The following CLCA1 variants were observed in gnomAD, a reference collection of about 807,000 sequenced individuals.
CLCA1 encodes the protein chloride channel accessory 1.
In CLCA1, 59 loss-of-function variants were observed where a neutral mutation model predicts 85.6. The observed-to-expected ratio is 0.69, with a 90% CI of 0.56 to 0.86. CLCA1 has a LOEUF of 0.86. CLCA1 is among the 40% of genes least tolerant of loss of function. CLCA1 has a pLI of 0.00. For missense variants in CLCA1, 1,022 were observed against 1,101.4 expected (o/e 0.93, Z 1.02); for synonymous variants, 396 against 398.3 (o/e 0.99, Z 0.07).
intron 3 of CLCA1, among the ~76,000 whole-genome samples, chr1:86,476,044 G>A (rs1441891292): frequency 1.3e-5 from 2 of 152,162 alleles, no homozygotes; most frequent in Non-Finnish European, 2.9e-5. Context: ...GAGCCATGAG[G>A]GAGGAGAATT....
chr1:86,499,913 G>T lies in CLCA1; in HGVS notation c.2613G>T (p.Pro871=), dbSNP rs376225321. 2 of 1,613,834 alleles carry T rather than the reference G, an allele frequency of 1.2e-6. No individual in the cohort carries two copies. Among genetic ancestry groups the T allele is most frequent in the East Asian group, 2.2e-5 (1 of 44,886 alleles). ...CTTTGTTTATTCCTCCACAGACTCC[G>T]CCAGAGACACCTAGTCCTGATGAAA... is the stretch of plus-strand genomic sequence containing the variant. ...RVSLFIPPQT[P]PETPSPDETS... The change falls in exon 14 of 14, where the codon CCG becomes CCT. Residue 871 remains proline, a synonymous_variant. Coordinates refer to ENST00000394711, the MANE Select transcript of CLCA1 (RefSeq NM_001285.4).
chr1:86,478,522 G>A lies in CLCA1; in HGVS notation c.557+1969G>A, dbSNP rs537940939. 4.4e-3 allele frequency among the ~76,000 whole-genome samples: 670 copies of A among 152,216 alleles called. 6 individuals carry two copies. The highest frequency in any genetic ancestry group is 0.015 in the African/African-American group (625 of 41,532). On this transcript the variant is annotated intron_variant, in intron 4 of 13. Transcript: ENST00000394711. The stretch of plus-strand genomic sequence containing the variant: ...CTGATGCCTTCGGCCTGTACACTCT[G>A]CACTACATGGACCACAGCACAGAGG...
chr1:86,496,039 T>C lies in CLCA1; in HGVS notation c.2113+364T>C, dbSNP rs552145245. 3.9e-5 allele frequency among the ~76,000 whole-genome samples: 6 copies of C among 152,296 alleles called. No homozygotes were observed. In the East Asian group the frequency reaches 7.7e-4, roughly 20 times the overall value. ...CTTCAAAGCCCAGCCCTCTATCAAA[T>C]ACAGTATTTTGTGTAATCTTTTTGT... On this transcript the variant is annotated intron_variant, in intron 12 of 13. Coordinates refer to ENST00000394711, the MANE Select transcript of CLCA1 (RefSeq NM_001285.4).
rs528228314 is a variant in CLCA1 at position 86,494,114 on chromosome 1, G to A, written c.1681-73G>A. The A allele has an allele frequency of 6.5e-6, 10 of 1,544,290 alleles. No homozygotes were observed. The African/African-American group carries it at 1.2e-4, about 19-fold the overall frequency. Reference sequence around the variant, plus strand: ...CATGCTTATATCAGAGGGTTTTCCCGTACGTGACATTGAAGTCAGGTCTGT... The same window carrying A: ...CATGCTTATATCAGAGGGTTTTCCCATACGTGACATTGAAGTCAGGTCTGT... On this transcript the variant is annotated intron_variant, in intron 10 of 13. Coordinates refer to ENST00000394711, the MANE Select transcript of CLCA1 (RefSeq NM_001285.4).
Position 86,500,042 on chromosome 1 carries a change from C to G in CLCA1, c.2742C>G (p.Ala914=). ...KWIGELQLSI[A] is the part of the protein sequence containing the mutation. The stretch of plus-strand genomic sequence containing the variant: ...TAGGAGAACTGCAGCTGTCAATAGC[C>G]TAGGGCTGAATTTTTGTCAGATAAA... Residue 914 remains alanine, a synonymous_variant, in exon 14 of 14, where the codon GCC becomes GCG. Transcript: ENST00000394711. The G allele has an allele frequency of 6.4e-7, 1 of 1,572,916 alleles. No homozygotes were observed. Among genetic ancestry groups the G allele is most frequent in the Non-Finnish European group, 8.6e-7 (1 of 1,156,760 alleles).
Position 86,499,901 on chromosome 1 carries a change from T to G in CLCA1, c.2601T>G (p.Pro867=). ...TTGCACGAGTATCTTTGTTTATTCC[T>G]CCACAGACTCCGCCAGAGACACCTA... is the stretch of plus-strand genomic sequence containing the variant. The part of the protein sequence containing the change: ...SNIARVSLFI[P]PQTPPETPSP... The change falls in exon 14 of 14, where the codon CCT becomes CCG. Residue 867 remains proline (P), a synonymous_variant. Transcript: ENST00000394711. The G allele has an allele frequency of 6.2e-7, 1 of 1,614,122 alleles. No individual in the cohort carries two copies. The highest frequency in any genetic ancestry group is 8.5e-7 in the Non-Finnish European group (1 of 1,179,980).
intron 5 of CLCA1, among the ~76,000 whole-genome samples, chr1:86,483,550 G>A (rs1455271586): frequency 6.6e-6 from 1 of 151,992 alleles, no homozygotes; most frequent in Non-Finnish European, 1.5e-5. Flanking sequence ...ACAGGCGAGA[G>A]ATATAAATAC....
intron 4 of CLCA1, among the ~76,000 whole-genome samples, chr1:86,480,325 G>GA (rs1342903194): frequency 6.6e-6 from 1 of 152,076 alleles, no homozygotes; most frequent in East Asian, 1.9e-4. Context: ...AAGAGCTTTT[G>GA]AAAAATCAGT....
chr1:86,479,271 A>G (rs1647755732), intron 4 of CLCA1, among the ~76,000 whole-genome samples: 1 of 152,242 alleles, frequency 6.6e-6, no homozygotes, highest in African/African-American at 2.4e-5. Context: ...CAAGACAGCA[A>G]TGAAAGGTAT....
At chr1:86,499,474 A>G (rs1200504723) in intron 13 of CLCA1, among the ~76,000 whole-genome samples, 180 bp from the exon 14 acceptor site, 1 of 152,254 alleles carries the variant, frequency 6.6e-6, no homozygotes, top group Non-Finnish European at 1.5e-5. Flanking sequence ...CAAGAATGTA[A>G]AAGAGATAGT....
intron 9 of CLCA1, among the ~76,000 whole-genome samples, 195 bp downstream of exon 9, chr1:86,491,566 T>C (rs1648135106): frequency 6.6e-6 from 1 of 152,240 alleles, no homozygotes; most frequent in South Asian, 2.1e-4. Context: ...TAGTGTCTAC[T>C]TGTTTGGAAG....
At chr1:86,482,796 G>A (rs185602062) in intron 5 of CLCA1, among the ~76,000 whole-genome samples, 10 of 152,254 alleles carry the variant, frequency 6.6e-5, no homozygotes, top group Admixed American at 2.0e-4. Flanking sequence ...GCTTTTGGTT[G>A]TTAACTGAAA....
rs542440898 is a variant in CLCA1 at position 86,499,689 on chromosome 1, C to T, written c.2389C>T (p.Leu797Phe). The change falls in exon 14 of 14, where the codon CTT becomes TTT. Residue 797 changes from leucine (L) to phenylalanine (F), a missense_variant. By Grantham distance (22) the Leu-to-Phe change is conservative. Transcript: ENST00000394711. Reference sequence around the variant, plus strand: ...TATCATTCGAATAAGTACAAGTATTCTTGATCTCAGAGACAAGTTCAATGA... The same window carrying T: ...TATCATTCGAATAAGTACAAGTATTTTTGATCTCAGAGACAAGTTCAATGA... ...KYIIRISTSI[L>F]DLRDKFNESL... 6.3e-7 allele frequency: 1 copy of T among 1,599,490 alleles called. No homozygotes were observed. The highest frequency in any genetic ancestry group is 1.3e-5 in the African/African-American group (1 of 74,670).
chr1:86,473,879 A>T lies in CLCA1; in HGVS notation c.451+3A>T, dbSNP rs200798374. The T allele has an allele frequency of 6.3e-7, 1 of 1,593,796 alleles. No homozygotes were observed. Among genetic ancestry groups the T allele is most frequent in the African/African-American group, 1.3e-5 (1 of 74,374 alleles). On this transcript the variant is annotated splice_donor_region_variant and intron_variant, in intron 3 of 13. Coordinates refer to ENST00000394711, the MANE Select transcript of CLCA1 (RefSeq NM_001285.4). ...GTTAGCTGAATATGGACCACAAGGTATGAAATATTCTACCATACTTCTCAT... is the reference window on the plus strand; with the variant it reads ...GTTAGCTGAATATGGACCACAAGGTTTGAAATATTCTACCATACTTCTCAT...
intron 11 of CLCA1, 54 bp downstream of exon 11, chr1:86,494,502 G>T: frequency 6.3e-7 from 1 of 1,593,050 alleles, no homozygotes; most frequent in East Asian, 2.2e-5. Flanking sequence ...GAAGCAACCA[G>T]GGAATGCCAA....
At chr1:86,486,148 C>T (rs757228383) in intron 6 of CLCA1, among the ~76,000 whole-genome samples, 4 of 152,142 alleles carry the variant, frequency 2.6e-5, no homozygotes, top group Non-Finnish European at 5.9e-5. Flanking sequence ...CTCCATGTTC[C>T]TCCCACCTCC....
Position 86,498,785 on chromosome 1 carries a change from C to T in CLCA1, c.2327C>T (p.Pro776Leu). 2 of 1,614,016 alleles carry T rather than the reference C, an allele frequency of 1.2e-6. No individual in the cohort carries two copies. The highest frequency in any genetic ancestry group is 1.7e-6 in the Non-Finnish European group (2 of 1,179,980). Residue 776 changes from proline (P) to leucine (L), a missense_variant, in exon 13 of 14, where the codon CCT becomes CTT. Transcript: ENST00000394711. Reference sequence around the variant, plus strand: ...CTCATTAATCTGACTTGGACAGCTCCTGGGGATGATTATGACCATGGAACA... The same window carrying T: ...CTCATTAATCTGACTTGGACAGCTCTTGGGGATGATTATGACCATGGAACA... ...GSLINLTWTA[P>L]GDDYDHGTAH...
In CLCA1 at chr1:86,475,425, T is replaced by C. The variant is rs182762406; in HGVS notation, c.452-1023T>C. 2.0e-5 allele frequency among the ~76,000 whole-genome samples: 3 copies of C among 152,360 alleles called. No homozygotes were observed. In the East Asian group the frequency reaches 5.8e-4, roughly 29 times the overall value. On this transcript the variant is annotated intron_variant, in intron 3 of 13. Transcript: ENST00000394711. ...CTCAAGTTTAACAAATATCACTGAA[T>C]GCCTGCTAAGTTCTAGACACTATGT...
Position 86,493,614 on chromosome 1 carries a change from T to A in CLCA1, c.1680+15T>A, listed in dbSNP as rs1470503900. 3.2e-6 allele frequency: 5 copies of A among 1,582,032 alleles called. No individual in the cohort carries two copies. Among genetic ancestry groups the A allele is most frequent in the African/African-American group, 1.4e-5 (1 of 74,020 alleles). On this transcript the variant is annotated intron_variant, in intron 10 of 13. Transcript: ENST00000394711. ...GCATTGCTAAGGTATGGAGTCAGCTTTTTTTCTTTCTCATAATTCAACAAG... is the reference window on the plus strand; with the variant it reads ...GCATTGCTAAGGTATGGAGTCAGCTATTTTTCTTTCTCATAATTCAACAAG...
Sources: gnomAD v4.1 joint callset for allele counts (sites outside exome capture counted in the v4.1 genomes callset) on GRCh38, gnomAD v4.1.1 for gene constraint, MANE v1.5 for transcripts, NCBI Gene and HGNC (gene_info 2026-07-23, HGNC 2026-07-21) for gene names.